The following COLQ variants were observed in gnomAD, a reference collection of about 807,000 sequenced individuals.
The protein encoded by COLQ is acetylcholinesterase collagenic tail peptide.
In COLQ, 48 loss-of-function variants were observed where a neutral mutation model predicts 69.0. The observed-to-expected ratio is 0.70, with a 90% CI of 0.55 to 0.88. The LOEUF (loss-of-function observed/expected upper bound fraction) is 0.88, where lower values mean the gene tolerates loss of function less well. Among genes scored for constraint, COLQ ranks in the 40% least tolerant of loss-of-function variants. The pLI, the probability that COLQ is intolerant of heterozygous loss-of-function variation, is 0.00. For synonymous variants in COLQ, 217 were observed against 211.2 expected, an observed-to-expected ratio of 1.03 and a Z score of -0.24; for missense variants, 618 against 594.6, an observed-to-expected ratio of 1.04 and a Z score of -0.41.
At chr3:15,453,784 G>T in intron 16 of COLQ, 45 bp downstream of exon 16, 1 of 1,236,408 alleles carries the variant, frequency 8.1e-7, no homozygotes, top group Non-Finnish European at 1.2e-6. Context: ...AAAGAGGAGG[G>T]AGGGAGAAAG....
At chr3:15,457,913 G>A (rs1473979085) in intron 13 of COLQ, among the ~76,000 whole-genome samples, 3 of 151,990 alleles carry the variant, frequency 2.0e-5, no homozygotes, top group African/African-American at 4.8e-5. Flanking sequence ...CACCATGCCC[G>A]GCCAAAAGTA....
intron 3 of COLQ, among the ~76,000 whole-genome samples, chr3:15,482,801 G>T (rs192932310): frequency 6.6e-6 from 1 of 152,150 alleles, no homozygotes; most frequent in Non-Finnish European, 1.5e-5. Context: ...GCTCCTCCTT[G>T]TACCTCTGGT....
chr3:15,501,509 C>G (rs1459952853), intron 1 of COLQ, among the ~76,000 whole-genome samples: 1 of 152,250 alleles, frequency 6.6e-6, no homozygotes, highest in Non-Finnish European at 1.5e-5. Context: ...TGGAGCACTT[C>G]ACATCCGCTG....
chr3:15,515,455 G>A (rs890396044), intron 1 of COLQ, among the ~76,000 whole-genome samples: 5 of 152,134 alleles, frequency 3.3e-5, no homozygotes, highest in African/African-American at 1.2e-4. Flanking sequence ...GAGGCTTGTG[G>A]GAATCATTGG....
chr3:15,479,461 G>T, intron 3 of COLQ, 79 bp from the exon 4 acceptor site: 1 of 1,346,258 alleles, frequency 7.4e-7, no homozygotes, highest in Non-Finnish European at 1.1e-6. Context: ...GGTGCACTGG[G>T]CTCCTACAGC....
intron 1 of COLQ, among the ~76,000 whole-genome samples, chr3:15,508,412 C>T (rs977978197): frequency 1.7e-4 from 26 of 152,208 alleles, no homozygotes; most frequent in African/African-American, 6.0e-4. Context: ...TAGAGTCTGA[C>T]TTGAACATAG....
Position 15,456,948 on chromosome 3 carries a change from G to A in COLQ, c.955-369C>T, listed in dbSNP as rs376176915. Among the ~76,000 whole-genome samples the A allele has an allele frequency of 2.0e-3, 309 of 151,780 alleles. 1 individual carries two copies. The highest frequency in any genetic ancestry group is 7.2e-3 in the African/African-American group (296 of 41,358). Reference sequence around the variant, plus strand: ...AGCAATTCTCCTGCCTCAGCCTCTCGAGTAGGTGGGATTACAGGTGTGCAC... The same window carrying A: ...AGCAATTCTCCTGCCTCAGCCTCTCAAGTAGGTGGGATTACAGGTGTGCAC... On this transcript the variant is annotated intron_variant, in intron 13 of 16. Transcript: ENST00000383788.
intron 1 of COLQ, among the ~76,000 whole-genome samples, chr3:15,511,466 G>C (rs1334436629): frequency 6.6e-6 from 1 of 152,154 alleles, no homozygotes; most frequent in Non-Finnish European, 1.5e-5. Context: ...AGCATTTCTG[G>C]GGCCCAGATT....
chr3:15,455,992 T>C lies in COLQ; in HGVS notation c.1102A>G (p.Thr368Ala), dbSNP rs2062019023. ...CCACAGGTGCCGTGCTGGTCTGCAG[T>C]GTAATCCACAGGGTAGAAAGGGGTC... ...QLTPFYPVDY[T>A]ADQHGTCGDG... Residue 368 changes from threonine (T) to alanine (A), a missense_variant, in exon 15 of 17, where the codon ACT (threonine) becomes GCT (alanine). Physicochemically the swap from Thr to Ala is moderately conservative, Grantham distance 58. Coordinates refer to ENST00000383788, the MANE Select transcript of COLQ (RefSeq NM_005677.4). 2 of 1,613,976 alleles carry C rather than the reference T, an allele frequency of 1.2e-6. No homozygotes were observed. The highest frequency in any genetic ancestry group is 1.7e-6 in the Non-Finnish European group (2 of 1,179,958).
At chr3:15,490,877 G>C (rs924788788) in intron 1 of COLQ, among the ~76,000 whole-genome samples, 8 of 152,180 alleles carry the variant, frequency 5.3e-5, no homozygotes, top group Non-Finnish European at 1.2e-4. Flanking sequence ...TTCACTCCTA[G>C]GTTTTTACCA....
intron 12 of COLQ, 104 bp from the exon 13 acceptor site, chr3:15,458,429 C>T: frequency 2.3e-6 from 3 of 1,288,012 alleles, no homozygotes; most frequent in Non-Finnish European, 3.4e-6. Context: ...TTAAAGTCCA[C>T]AGCATTTCAG....
At chr3:15,510,781 T>A (rs1204815509) in intron 1 of COLQ, among the ~76,000 whole-genome samples, 2 of 16,638 alleles carry the variant, frequency 1.2e-4, no homozygotes, top group East Asian at 4.5e-3. Flanking sequence ...GGGAGGGGAA[T>A]GGAGGGGAGG....
intron 13 of COLQ, among the ~76,000 whole-genome samples, chr3:15,457,623 C>CTTTTTTT (rs10643789): frequency 0.43 from 63,804 of 150,072 alleles, 13,766 homozygotes; most frequent in East Asian, 0.61. Context: ...CAAAGTATAA[C>CTTTTTTT]TTTTTTTGAG....
At chr3:15,453,083 A>G (rs901108030) in intron 16 of COLQ, among the ~76,000 whole-genome samples, 6 of 152,222 alleles carry the variant, frequency 3.9e-5, no homozygotes, top group Non-Finnish European at 8.8e-5. Context: ...AGAACGTTGT[A>G]CAACTCTGGT....
chr3:15,462,334 A>T (rs565382840), intron 12 of COLQ, among the ~76,000 whole-genome samples: 2 of 152,066 alleles, frequency 1.3e-5, no homozygotes, highest in African/African-American at 4.8e-5. Flanking sequence ...CCGGCTGAAT[A>T]TCTCTTTTTA....
rs78756902 is a variant in COLQ at position 15,459,249 on chromosome 3, G to A, written c.815-924C>T. Among the ~76,000 whole-genome samples, 10 of 152,254 alleles carry A rather than the reference G, an allele frequency of 6.6e-5. No individual in the cohort carries two copies. In the East Asian group the frequency reaches 1.7e-3, roughly 26 times the overall value. On this transcript the variant is annotated intron_variant, in intron 12 of 16. Transcript: ENST00000383788. ...CTCTGCCCATTTACCCTCCCCTGGT[G>A]CTGAAGAAGTGAGGACATGTCTTGA...
chr3:15,485,137 G>A (rs1167271795), intron 3 of COLQ, among the ~76,000 whole-genome samples: 3 of 152,214 alleles, frequency 2.0e-5, no homozygotes, highest in Admixed American at 2.0e-4. Context: ...CTCTGCTGCA[G>A]GTCTGTTGGA....
At chr3:15,520,121 A>G (rs1165480233) in intron 1 of COLQ, among the ~76,000 whole-genome samples, 1 of 152,246 alleles carries the variant, frequency 6.6e-6, no homozygotes, top group Non-Finnish European at 1.5e-5. Context: ...AAACATGATT[A>G]AGAACCACCA....
intron 1 of COLQ, among the ~76,000 whole-genome samples, chr3:15,492,705 C>T (rs2062689982): frequency 6.6e-6 from 1 of 151,924 alleles, no homozygotes. Context: ...GAATTCAGTT[C>T]TAGAATGAGA....
Sources: gnomAD v4.1 joint callset for allele counts (sites outside exome capture counted in the v4.1 genomes callset) on GRCh38, gnomAD v4.1.1 for gene constraint, MANE v1.5 for transcripts, NCBI Gene and HGNC (gene_info 2026-07-23, HGNC 2026-07-21) for gene names.